Variants in DPYSL5 observed in about 807,000 individuals in gnomAD.
DPYSL5 encodes the protein dihydropyrimidinase-related protein 5.
Under a neutral mutation model 58.4 loss-of-function variants are expected in DPYSL5, and 9 were observed. The ratio of observed to expected loss-of-function variants is 0.15; its 90% CI spans 0.09 to 0.27. The LOEUF is 0.27. Ranked by LOEUF, DPYSL5 falls within the 10% of genes least tolerant of loss-of-function variation. DPYSL5 has a pLI of 1.00. For synonymous variants in DPYSL5, 293 were observed against 301.9 expected, an observed-to-expected ratio of 0.97 and a Z score of 0.31; for missense variants, 499 against 770.6, an observed-to-expected ratio of 0.65 and a Z score of 4.17.
At chr2:26,883,198 C>T (rs1663618303) in intron 1 of DPYSL5, among the ~76,000 whole-genome samples, 4 of 152,126 alleles carry the variant, frequency 2.6e-5, no homozygotes, top group Non-Finnish European at 5.9e-5. Flanking sequence ...CTCCCCCTAC[C>T]ATGGGCCCCT....
chr2:26,915,633 C>T lies in DPYSL5; in HGVS notation c.262-9254C>T, dbSNP rs117042910. 7.4e-4 allele frequency among the ~76,000 whole-genome samples: 113 copies of T among 152,306 alleles called. No individual in the cohort carries two copies. The East Asian group carries it at 9.5e-3, about 13-fold the overall frequency. On this transcript the variant is annotated intron_variant, in intron 2 of 12. Coordinates refer to ENST00000288699, the MANE Select transcript of DPYSL5 (RefSeq NM_020134.4). ...ACAGCATGGTAACTTCAGCCAAGCC[C>T]TGTTACTGCCTCTCTGGTTGACTCT...
chr2:26,881,122 G>A (rs567020533), intron 1 of DPYSL5, among the ~76,000 whole-genome samples: 3 of 152,258 alleles, frequency 2.0e-5, no homozygotes, highest in South Asian at 4.1e-4. Context: ...GCCCATAGTC[G>A]CATGGCACAG....
intron 2 of DPYSL5, among the ~76,000 whole-genome samples, chr2:26,922,894 C>T (rs757823230): frequency 6.6e-6 from 1 of 152,204 alleles, no homozygotes; most frequent in Admixed American, 6.5e-5. Context: ...GAACTACCAC[C>T]CTCTGTTGGT....
chr2:26,904,269 C>T (rs538386221), intron 2 of DPYSL5, among the ~76,000 whole-genome samples: 2 of 152,340 alleles, frequency 1.3e-5, no homozygotes, highest in African/African-American at 4.8e-5. Flanking sequence ...GCCTTGCCAA[C>T]TTCCTCACCA....
chr2:26,873,783 C>G (rs992870947), intron 1 of DPYSL5, among the ~76,000 whole-genome samples: 1 of 152,174 alleles, frequency 6.6e-6, no homozygotes, highest in Non-Finnish European at 1.5e-5. Flanking sequence ...ACGATGTCCA[C>G]CCACACTGGT....
rs1282711485 is a variant in DPYSL5 at position 26,950,281 on chromosome 2, G to C, written c.*3286G>C. 6.6e-6 allele frequency: 1 copy of C among 152,252 alleles called. No individual in the cohort carries two copies. The highest frequency in any genetic ancestry group is 1.5e-5 in the Non-Finnish European group (1 of 68,076). 9.4% of individuals were successfully genotyped at this position (152,252 alleles called of 1,614,324 possible). A position where few individuals can be genotyped will look rare whatever the true frequency, so the allele number is the denominator to read the frequency against. ...TGGTCCTGTGCTTTGGCCACCGTTTGAGGCAAAAACTAAACAGCCCGACAC... is the reference window on the plus strand; with the variant it reads ...TGGTCCTGTGCTTTGGCCACCGTTTCAGGCAAAAACTAAACAGCCCGACAC... On this transcript the variant is annotated 3_prime_UTR_variant, in exon 13 of 13. Transcript: ENST00000288699. The surrounding 1 kb of genome is among the most constrained non-coding windows in gnomAD (Gnocchi z 5.3).
At chr2:26,936,244 G>A (rs900125874) in intron 8 of DPYSL5, among the ~76,000 whole-genome samples, 3 of 152,176 alleles carry the variant, frequency 2.0e-5, no homozygotes, top group South Asian at 2.1e-4. Flanking sequence ...ATGGGGATTC[G>A]CCTCTTCTAA....
rs1161770394 is a variant in DPYSL5 at position 26,931,201 on chromosome 2, G to GTATATATATATATATATA, written c.670-438_670-437insATATATATATATATATAT. Among the ~76,000 whole-genome samples, 484 of 54,462 alleles carry GTATATATATATATATATA rather than the reference G, an allele frequency of 8.9e-3. 8 individuals carry two copies. Among genetic ancestry groups the GTATATATATATATATATA allele is most frequent in the Non-Finnish European group, 0.012 (322 of 26,250 alleles). The allele number at this position is 54,462 out of a possible 152,430, so 35.7% of individuals were successfully genotyped here. ...TGTGTGTGTGTGTGTGTGTGTGTGT[G>GTATATATATATATATATA]TGTATATATATATATATATATATAT... On this transcript the variant is annotated intron_variant, in intron 5 of 12. Transcript: ENST00000288699.
intron 2 of DPYSL5, among the ~76,000 whole-genome samples, chr2:26,920,860 T>G (rs1484031878): frequency 6.6e-6 from 1 of 152,238 alleles, no homozygotes; most frequent in Non-Finnish European, 1.5e-5. Flanking sequence ...TCCAAGCATT[T>G]TGAATCAAGT....
Position 26,904,628 on chromosome 2 carries a change from C to T in DPYSL5, c.261+5868C>T, listed in dbSNP as rs550925667. ...AGAGAGGATGCATGAACGTGCCAGG[C>T]GCTGTGGCTCATGCCACTAATCCCA... On this transcript the variant is annotated intron_variant, in intron 2 of 12. Coordinates refer to ENST00000288699, the MANE Select transcript of DPYSL5 (RefSeq NM_020134.4). Among the ~76,000 whole-genome samples, 30 of 152,308 alleles carry T rather than the reference C, an allele frequency of 2.0e-4. No individual in the cohort carries two copies. The South Asian group carries it at 4.1e-3, about 21-fold the overall frequency.
At chr2:26,926,676 T>C (rs900784049) in intron 3 of DPYSL5, among the ~76,000 whole-genome samples, 1 of 152,256 alleles carries the variant, frequency 6.6e-6, no homozygotes, top group Non-Finnish European at 1.5e-5. Flanking sequence ...ATGAAGTTCA[T>C]GAACCAGCAA....
chr2:26,937,241 G>A (rs1057444173), intron 8 of DPYSL5, among the ~76,000 whole-genome samples: 1 of 152,124 alleles, frequency 6.6e-6, no homozygotes, highest in Non-Finnish European at 1.5e-5. Context: ...TTTGTCAAAT[G>A]TATTTTAATT....
At chr2:26,856,488 T>C (rs1223440808) in intron 1 of DPYSL5, among the ~76,000 whole-genome samples, 1 of 152,232 alleles carries the variant, frequency 6.6e-6, no homozygotes, top group Admixed American at 6.5e-5. Flanking sequence ...TTTTTTTCAT[T>C]GCTATATAGC....
chr2:26,891,629 G>C (rs1663882101), intron 1 of DPYSL5, among the ~76,000 whole-genome samples: 1 of 152,022 alleles, frequency 6.6e-6, no homozygotes, highest in Non-Finnish European at 1.5e-5. Context: ...TGAATGAAGG[G>C]TCACGTTGGA....
Position 26,887,070 on chromosome 2 carries a change from G to A in DPYSL5, c.-4-11426G>A, listed in dbSNP as rs1481895374. Among the ~76,000 whole-genome samples, 5 of 152,316 alleles carry A rather than the reference G, an allele frequency of 3.3e-5. No homozygotes were observed. The Middle Eastern group carries it at 0.01, about 311-fold the overall frequency. On this transcript the variant is annotated intron_variant, in intron 1 of 12. Coordinates refer to ENST00000288699, the MANE Select transcript of DPYSL5 (RefSeq NM_020134.4). The stretch of plus-strand genomic sequence containing the variant: ...TGAGGTGCTACCCAGGTTGCCATTA[G>A]GCTTGGCTTAGATGCCACAGATCCT...
intron 9 of DPYSL5, among the ~76,000 whole-genome samples, 172 bp downstream of exon 9, chr2:26,940,344 T>G (rs1339310760): frequency 6.6e-6 from 1 of 152,068 alleles, no homozygotes; most frequent in East Asian, 1.9e-4. Context: ...ACAAAAGGTC[T>G]TTCCCCCAAT....
intron 5 of DPYSL5, among the ~76,000 whole-genome samples, chr2:26,929,154 G>A (rs555123650): frequency 2.0e-5 from 3 of 152,236 alleles, no homozygotes; most frequent in South Asian, 4.1e-4. Flanking sequence ...CTGCACATGC[G>A]AGGGATCTAG....
chr2:26,882,429 C>G (rs143541459), intron 1 of DPYSL5, among the ~76,000 whole-genome samples: 23 of 146,288 alleles, frequency 1.6e-4, no homozygotes, highest in Admixed American at 3.4e-4. Flanking sequence ...GTGTGTGTGT[C>G]TGTGTGTGTG....
At chr2:26,895,971 G>A (rs1664011123) in intron 1 of DPYSL5, among the ~76,000 whole-genome samples, 1 of 151,102 alleles carries the variant, frequency 6.6e-6, no homozygotes, top group Non-Finnish European at 1.5e-5. Flanking sequence ...GTAGAGACGG[G>A]GTTTCACTAT....
Sources: allele counts gnomAD v4.1 joint callset (sites outside exome capture counted in the v4.1 genomes callset), GRCh38; gene constraint gnomAD v4.1.1; non-coding constraint Gnocchi (gnomAD v3.1); transcripts MANE v1.5; gene names NCBI Gene and HGNC (gene_info 2026-07-23, HGNC 2026-07-21).